SFTPD: variants seen among roughly 807,000 people sequenced by gnomAD.
SFTPD encodes the protein surfactant protein D, also known as pulmonary surfactant-associated protein D.
SFTPD carries 18 observed loss-of-function variants against 34.6 expected under a neutral mutation model. The observed-to-expected ratio is 0.52, with a 90% CI of 0.36 to 0.77. The LOEUF (loss-of-function observed/expected upper bound fraction) is 0.77. SFTPD is among the 30% of genes least tolerant of loss of function. SFTPD has a pLI of 0.00. For missense variants in SFTPD, 433 were observed against 468.9 expected (o/e 0.92, Z 0.71); for synonymous variants, 155 against 180.9 (o/e 0.86, Z 1.15).
At chr10:79,944,670 G>A (rs1369204730) in intron 2 of SFTPD, among the ~76,000 whole-genome samples, 1 of 152,128 alleles carries the variant, frequency 6.6e-6, no homozygotes, top group East Asian at 1.9e-4. Context: ...TTGTCCAAGG[G>A]AGACGAGCAT....
intron 1 of SFTPD, among the ~76,000 whole-genome samples, chr10:79,965,333 T>C (rs564917119): frequency 1.3e-5 from 2 of 152,170 alleles, no homozygotes; most frequent in Non-Finnish European, 2.9e-5. Context: ...CCAATCATTC[T>C]ATATGACAAA....
At chr10:79,977,037 AC>A (rs1842867457) in intron 1 of SFTPD, among the ~76,000 whole-genome samples, 1 of 152,168 alleles carries the variant, frequency 6.6e-6, no homozygotes. Context: ...CTCCCCAGAC[AC>A]GTGGAACTGT....
chr10:79,979,805 T>C (rs1287958021), intron 1 of SFTPD, among the ~76,000 whole-genome samples: 1 of 152,136 alleles, frequency 6.6e-6, no homozygotes, highest in Non-Finnish European at 1.5e-5. Flanking sequence ...CCCAGTGAGA[T>C]ATCACCTGGA....
upstream of SFTPD, among the ~76,000 whole-genome samples, chr10:79,953,747 C>T (rs1249728273): frequency 1.3e-5 from 2 of 151,842 alleles, no homozygotes; most frequent in South Asian, 4.2e-4. Flanking sequence ...TAAATTCTAC[C>T]CCCTTTTCTC....
At chr10:79,948,040 A>C (rs1842683751) in intron 1 of SFTPD, among the ~76,000 whole-genome samples, 1 of 152,170 alleles carries the variant, frequency 6.6e-6, no homozygotes, top group Non-Finnish European at 1.5e-5. Flanking sequence ...TTCTTCTTTG[A>C]CTGCTGGTGA....
At chr10:79,947,954 G>A (rs1373197678) in intron 1 of SFTPD, among the ~76,000 whole-genome samples, 3 of 152,272 alleles carry the variant, frequency 2.0e-5, no homozygotes, top group Non-Finnish European at 2.9e-5. Flanking sequence ...AAGCCAGAGG[G>A]ACTTGTGCAA....
At chr10:79,949,774 T>C (rs1842698406), upstream of SFTPD, among the ~76,000 whole-genome samples, 2 of 152,196 alleles carry the variant, frequency 1.3e-5, no homozygotes. Context: ...TCTTAGCTGG[T>C]GTTTGTCTTG....
chr10:79,938,263 C>T (rs1194768576), intron 7 of SFTPD, 35 bp from the exon 8 acceptor site: 9 of 1,554,078 alleles, frequency 5.8e-6, no homozygotes, highest in Non-Finnish European at 7.0e-6. Flanking sequence ...GGGGTTGTGG[C>T]ATCACCTGGC....
intron 1 of SFTPD, among the ~76,000 whole-genome samples, chr10:79,947,645 G>A (rs900151333): frequency 3.3e-5 from 5 of 152,092 alleles, no homozygotes; most frequent in African/African-American, 7.2e-5. Flanking sequence ...AGCCGAGATC[G>A]TGCCACTGCA....
chr10:79,965,444 C>T (rs149407882), intron 1 of SFTPD, among the ~76,000 whole-genome samples: 11,455 of 151,062 alleles, frequency 0.076, 869 homozygotes, highest in East Asian at 0.39. Context: ...TAATCCCGCT[C>T]GAAGCAGCCC....
chr10:79,939,333 C>G (rs543797803), intron 7 of SFTPD, among the ~76,000 whole-genome samples: 1 of 152,230 alleles, frequency 6.6e-6, no homozygotes, highest in African/African-American at 2.4e-5. Flanking sequence ...CCTGACTCAT[C>G]GTCCTTAAGA....
chr10:79,978,278 A>G (rs1589345121), intron 1 of SFTPD, among the ~76,000 whole-genome samples: 4 of 152,324 alleles, frequency 2.6e-5, no homozygotes, highest in South Asian at 2.1e-4. Context: ...TATCCATGTG[A>G]TCATCTCAAT....
At chr10:79,948,737 A>G (rs1422980649) in intron 1 of SFTPD, among the ~76,000 whole-genome samples, 1 of 152,152 alleles carries the variant, frequency 6.6e-6, no homozygotes, top group Non-Finnish European at 1.5e-5. Flanking sequence ...ATCAGTGCAG[A>G]AAAGAGCCTA....
Position 79,960,184 on chromosome 10 carries a change from TATC to T in SFTPD, c.37-13525_37-13523del, listed in dbSNP as rs1194632641. On this transcript the variant is annotated intron_variant, in intron 1 of 5. Coordinates refer to the SFTPD transcript ENST00000444384. ...CTATCTATGACAAACCCACAGCCAA[TATC>T]ATACTGAATGGGCAAAAACTGGAAG... Among the ~76,000 whole-genome samples, 7 of 150,618 alleles carry T rather than the reference TATC, an allele frequency of 4.6e-5. No individual in the cohort carries two copies. The East Asian group carries it at 1.4e-3, about 29-fold the overall frequency.
At chr10:79,981,103 C>T (rs1424179864) in intron 1 of SFTPD, among the ~76,000 whole-genome samples, 1 of 152,038 alleles carries the variant, frequency 6.6e-6, no homozygotes, top group Admixed American at 6.6e-5. Context: ...AATTCAGAAT[C>T]CTGTTAAATA....
At chr10:79,945,956 C>A (rs1842660906) in intron 2 of SFTPD, among the ~76,000 whole-genome samples, 1 of 152,162 alleles carries the variant, frequency 6.6e-6, no homozygotes, top group Non-Finnish European at 1.5e-5. Flanking sequence ...AGTGAATGCC[C>A]AAGCACAAGG....
chr10:79,949,325 A>G (rs1842694690), upstream of SFTPD, among the ~76,000 whole-genome samples: 1 of 152,196 alleles, frequency 6.6e-6, no homozygotes, highest in Admixed American at 6.5e-5. Flanking sequence ...ACTCATCTGC[A>G]CCTTTCTCAC....
intron 2 of SFTPD, among the ~76,000 whole-genome samples, chr10:79,944,400 G>A (rs2181205): frequency 0.055 from 8,298 of 152,254 alleles, 553 homozygotes; most frequent in East Asian, 0.39. Flanking sequence ...TTGGTAGGGT[G>A]GTCGGGGAGT....
chr10:79,975,832 G>T (rs1003248260), intron 1 of SFTPD, among the ~76,000 whole-genome samples: 2 of 152,230 alleles, frequency 1.3e-5, no homozygotes, highest in Non-Finnish European at 2.9e-5. Context: ...GGTGGGTCTG[G>T]CTAGTCATCT....
Sources: gnomAD v4.1 joint callset for allele counts (sites outside exome capture counted in the v4.1 genomes callset) on GRCh38, gnomAD v4.1.1 for gene constraint, MANE v1.5 for transcripts, NCBI Gene and HGNC (gene_info 2026-07-23, HGNC 2026-07-21) for gene names.